Variants in ARID1B observed in about 807,000 individuals in gnomAD.
ARID1B encodes AT-rich interaction domain 1B.
Under a neutral mutation model 212.3 loss-of-function variants are expected in ARID1B, and 30 were observed. That is an observed-to-expected ratio of 0.14 (90% CI 0.11 to 0.19). The LOEUF is 0.19. Ranked by LOEUF, ARID1B falls within the 10% of genes least tolerant of loss-of-function variation. ARID1B has a pLI of 1.00. For missense variants in ARID1B, 2,891 were observed against 3,204.0 expected (o/e 0.90, Z 2.36); for synonymous variants, 1,402 against 1,301.7 (o/e 1.08, Z -1.66).
chr6:157,076,813 C>G (rs1427542873), intron 4 of ARID1B, among the ~76,000 whole-genome samples: 1 of 152,128 alleles, frequency 6.6e-6, no homozygotes, highest in Non-Finnish European at 1.5e-5. Flanking sequence ...TAGGTTCCTA[C>G]CTGGCAATGA....
intron 4 of ARID1B, among the ~76,000 whole-genome samples, chr6:157,027,065 G>C (rs1780708895): frequency 6.6e-6 from 1 of 152,150 alleles, no homozygotes; most frequent in African/African-American, 2.4e-5. Context: ...TTGGTGGGGA[G>C]CCAGTTTAGT....
At chr6:156,864,809 C>T (rs371536009) in intron 2 of ARID1B, among the ~76,000 whole-genome samples, 2 of 151,964 alleles carry the variant, frequency 1.3e-5, no homozygotes, top group African/African-American at 2.4e-5. Flanking sequence ...GTAGACTTGC[C>T]GGAATTGTGG....
At chr6:157,038,818 T>C (rs962492272) in intron 4 of ARID1B, among the ~76,000 whole-genome samples, 1 of 152,192 alleles carries the variant, frequency 6.6e-6, no homozygotes, top group Non-Finnish European at 1.5e-5. Context: ...AGAAGATTAG[T>C]GTAGCCAGCA....
rs1371158980 is a variant in ARID1B at position 156,839,531 on chromosome 6, A to G, written c.1986+10110A>G. Among the ~76,000 whole-genome samples the G allele has an allele frequency of 7.2e-5, 11 of 152,296 alleles. No homozygotes were observed. The East Asian group carries it at 2.1e-3, about 29-fold the overall frequency. The stretch of plus-strand genomic sequence containing the variant: ...GTTGGGGAGAGGAGGAAAGACTAGA[A>G]TCCCCTTCAGCTGCCAGGAAGAGCT... On this transcript the variant is annotated intron_variant, in intron 2 of 19. Transcript: ENST00000636930.
Position 157,206,725 on chromosome 6 carries a change from A to G in ARID1B, c.5953A>G (p.Lys1985Glu). 1.2e-6 allele frequency: 2 copies of G among 1,613,024 alleles called. No homozygotes were observed. Among genetic ancestry groups the G allele is most frequent in the South Asian group, 1.1e-5 (1 of 91,074 alleles). ...AGGTAGAAAGAAAGAGCAAGAAGGCAAAGGCGACTCTGAAGAGCAGCAAGA... is the reference window on the plus strand; with the variant it reads ...AGGTAGAAAGAAAGAGCAAGAAGGCGAAGGCGACTCTGAAGAGCAGCAAGA... Reference protein sequence around the residue: ...SAGRKKEQEGKGDSEEQQEKS... With the variant: ...SAGRKKEQEGEGDSEEQQEKS... The change falls in exon 20 of 20, where the codon AAA becomes GAA. Residue 1985 changes from lysine (K) to glutamate (E), a missense_variant. By Grantham distance (56) the Lys-to-Glu change is moderately conservative. Coordinates refer to ENST00000636930, the MANE Select transcript of ARID1B (RefSeq NM_001374828.1). This position sits in a 1 kb window ranked among gnomAD's most constrained non-coding sequence, Gnocchi z 6.8.
At chr6:157,073,644 T>C (rs921258202) in intron 4 of ARID1B, among the ~76,000 whole-genome samples, 6 of 152,182 alleles carry the variant, frequency 3.9e-5, no homozygotes, top group Admixed American at 3.9e-4. Context: ...TTTCTCTATT[T>C]GGGGGGTGGT....
chr6:157,032,237 A>G (rs1456404404), intron 4 of ARID1B, among the ~76,000 whole-genome samples: 2 of 152,252 alleles, frequency 1.3e-5, no homozygotes, highest in African/African-American at 4.8e-5. Context: ...CTTTACATTA[A>G]CACAGTTATG....
At chr6:157,205,961 T>A (rs1028396017) in intron 19 of ARID1B, 67 of 610,056 alleles carry the variant, frequency 1.1e-4, no homozygotes, top group Non-Finnish European at 1.9e-4. Flanking sequence ...ATGCTAAACA[T>A]CGGTTTAGTT....
At position 157,201,025 on chromosome 6, in the gene ARID1B, C is replaced by T. The variant is rs568203974; in HGVS notation, c.4800C>T (p.Asn1600=). 21 of 1,613,870 alleles carry T rather than the reference C, an allele frequency of 1.3e-5. No individual in the cohort carries two copies. The Admixed American group carries it at 3.5e-4, about 27-fold the overall frequency. Residue 1600 remains asparagine, a synonymous_variant, in exon 18 of 20, where the codon AAC becomes AAT. Transcript: ENST00000636930. This position sits in a 1 kb window ranked among gnomAD's most constrained non-coding sequence, Gnocchi z 5.2. ...ARNDMPYPYQ[N]RQGPGGPTQA... The stretch of plus-strand genomic sequence containing the variant: ...ATGATATGCCTTATCCCTACCAGAA[C>T]AGGCAGGGCCCTGGCGGCCCTACAC...
intron 5 of ARID1B, among the ~76,000 whole-genome samples, chr6:157,097,051 A>G (rs1785690151): frequency 6.6e-6 from 1 of 152,116 alleles, no homozygotes; most frequent in Admixed American, 6.5e-5. Flanking sequence ...GTTTTTCAGA[A>G]TAGTAAGTGG....
intron 6 of ARID1B, among the ~76,000 whole-genome samples, chr6:157,127,378 C>T (rs1451723916): frequency 6.6e-6 from 1 of 152,078 alleles, no homozygotes; most frequent in African/African-American, 2.4e-5. Context: ...AAGAACTGGC[C>T]GGGCATGGTG....
chr6:157,036,957 TA>T (rs1386559456), intron 4 of ARID1B: 5 of 427,892 alleles, frequency 1.2e-5, no homozygotes, highest in Admixed American at 3.3e-5. Flanking sequence ...AGAGGGGACT[TA>T]TTTTTTTTTT....
In ARID1B at chr6:157,004,903, T is replaced by TTTTTTTTTTTTTTTTTTTTTTTTTG; in HGVS notation, c.2247+69351_2247+69352insGTTTTTTTTTTTTTTTTTTTTTTTT. 2.4e-5 allele frequency among the ~76,000 whole-genome samples: 2 copies of TTTTTTTTTTTTTTTTTTTTTTTTTG among 82,210 alleles called. 1 individual carries two copies. The highest frequency in any genetic ancestry group is 4.8e-5 in the Non-Finnish European group (2 of 41,966). The allele number at this position is 82,210 out of a possible 152,430, so 53.9% of individuals were successfully genotyped here. On this transcript the variant is annotated intron_variant, in intron 4 of 19. Transcript: ENST00000636930. ...CTTTTTCTTCTTCTTTTTTCTTTTT[T>TTTTTTTTTTTTTTTTTTTTTTTTTG]TTTTTTTTTTTTTTTTTTTTTTTTT... is the stretch of plus-strand genomic sequence containing the variant.
At chr6:157,193,725 A>T (rs1450524418) in intron 15 of ARID1B, 4 of 152,338 alleles carry the variant, frequency 2.6e-5, no homozygotes, top group East Asian at 1.9e-4. Context: ...CTCCAAGAGG[A>T]CAGGTCCCGG....
chr6:156,778,868 CGGCGGAGGA>C lies in ARID1B; in HGVS notation c.1191_1199del (p.Gly400_Gly402del). 2.1e-6 allele frequency: 3 copies of C among 1,398,860 alleles called. No homozygotes were observed. In the African/African-American group the frequency reaches 4.6e-5, roughly 22 times the overall value. 86.7% of individuals were successfully genotyped at this position (1,398,860 alleles called of 1,614,324 possible). Reference sequence around the variant, plus strand: ...GCGCGGGCGGCGGCGGCGGCGGCGGCGGCGGAGGAGGAGGAGGCAGCGGAGGAGGAGGAG... The same window carrying C: ...GCGCGGGCGGCGGCGGCGGCGGCGGCGGAGGAGGCAGCGGAGGAGGAGGAG... On this transcript the variant is annotated inframe_deletion, in exon 1 of 20. Transcript: ENST00000636930.
chr6:156,923,731 G>A (rs1790992667), intron 3 of ARID1B, among the ~76,000 whole-genome samples: 1 of 148,740 alleles, frequency 6.7e-6, no homozygotes, highest in Non-Finnish European at 1.5e-5. Context: ...TAAAGACAGA[G>A]TCTTGCCCTG....
chr6:156,885,766 T>A (rs964469649), intron 2 of ARID1B, among the ~76,000 whole-genome samples: 1 of 152,244 alleles, frequency 6.6e-6, no homozygotes, highest in African/African-American at 2.4e-5. Context: ...ATGGAGTTCC[T>A]GTTTCTTGCC....
chr6:157,125,661 C>A (rs117096852), intron 6 of ARID1B, among the ~76,000 whole-genome samples: 1 of 152,212 alleles, frequency 6.6e-6, no homozygotes, highest in Non-Finnish European at 1.5e-5. Flanking sequence ...CCCTGATACT[C>A]TCATAGCACC....
chr6:156,949,547 G>A (rs1182899920), intron 4 of ARID1B, among the ~76,000 whole-genome samples: 2 of 152,154 alleles, frequency 1.3e-5, no homozygotes, highest in African/African-American at 2.4e-5. Flanking sequence ...CTGAGATTCA[G>A]CATTCCTTTC....
Sources: allele counts gnomAD v4.1 joint callset (sites outside exome capture counted in the v4.1 genomes callset), GRCh38; gene constraint gnomAD v4.1.1; non-coding constraint Gnocchi (gnomAD v3.1); transcripts MANE v1.5; gene names NCBI Gene and HGNC (gene_info 2026-07-23, HGNC 2026-07-21).